The following HAO1 variants were observed in gnomAD, a reference collection of about 807,000 sequenced individuals.
The protein encoded by HAO1 is 2-Hydroxyacid oxidase 1.
A neutral mutation model predicts 39.7 loss-of-function variants in HAO1; 34 were observed. That is an observed-to-expected ratio of 0.86 (90% CI 0.65 to 1.14). The LOEUF (loss-of-function observed/expected upper bound fraction) is 1.14. Ranked by LOEUF, HAO1 falls within the 50% of genes most tolerant of loss-of-function variation. The pLI, the probability that HAO1 is intolerant of heterozygous loss-of-function variation, is 0.00. For synonymous variants in HAO1, 172 were observed against 173.2 expected (o/e 0.99, Z 0.05); for missense variants, 479 against 464.5 (o/e 1.03, Z -0.29).
intron 2 of HAO1, among the ~76,000 whole-genome samples, chr20:7,915,919 TA>T (rs1339946032): frequency 6.6e-6 from 1 of 152,188 alleles, no homozygotes; most frequent in Admixed American, 6.5e-5. Context: ...TTTTTAATTT[TA>T]AAATTTTGTC....
At chr20:7,912,308 C>T (rs1311802981) in intron 3 of HAO1, among the ~76,000 whole-genome samples, 5 of 152,212 alleles carry the variant, frequency 3.3e-5, no homozygotes, top group East Asian at 1.9e-4. Context: ...GAGGTACCTG[C>T]CAGAATTAAC....
Position 7,906,212 on chromosome 20 carries a change from A to C in HAO1, c.663T>G (p.Asp221Glu). The C allele has an allele frequency of 6.2e-7, 1 of 1,613,330 alleles. No individual in the cohort carries two copies. The highest frequency in any genetic ancestry group is 8.5e-7 in the Non-Finnish European group (1 of 1,179,294). Residue 221 changes from aspartate to glutamate, a missense_variant, in exon 4 of 8, where the codon GAT becomes GAG. Physicochemically the swap from Asp to Glu is conservative, Grantham distance 45 (BLOSUM62 2). Coordinates refer to ENST00000378789, the MANE Select transcript of HAO1 (RefSeq NM_017545.3). ...KAIDPSISWE[D>E]IKWLRRLTSL... ...ATGTCAGTCTTCTCAGCCATTTGAT[A>C]TCTTCCCAGCTGATAGATGGGTCTA...
chr20:7,915,628 T>C (rs1364738521), intron 2 of HAO1, among the ~76,000 whole-genome samples: 2 of 152,216 alleles, frequency 1.3e-5, no homozygotes, highest in Non-Finnish European at 2.9e-5. Context: ...TGTATCTATC[T>C]GTATCTATCG....
intron 4 of HAO1, among the ~76,000 whole-genome samples, chr20:7,897,418 T>C (rs573385231): frequency 6.6e-6 from 1 of 152,284 alleles, no homozygotes; most frequent in East Asian, 1.9e-4. Context: ...TTGGACATTT[T>C]AAAGTTGTCT....
chr20:7,921,272 C>A (rs1292431957), intron 2 of HAO1, among the ~76,000 whole-genome samples: 2 of 151,952 alleles, frequency 1.3e-5, no homozygotes, highest in Non-Finnish European at 2.9e-5. Context: ...AAACAGATAA[C>A]CCCATTAAAA....
At position 7,883,159 on chromosome 20, in the gene HAO1, A is replaced by G. The variant is rs2050134892; in HGVS notation, c.*434T>C. On this transcript the variant is annotated 3_prime_UTR_variant, in exon 8 of 8. Transcript: ENST00000378789. ...ACCTTCTCAAAGTTGTGAATCAGGC[A>G]TTACCAACACTTTGAACCTGAGCTT... is the stretch of plus-strand genomic sequence containing the variant. 6.0e-6 allele frequency: 1 copy of G among 167,920 alleles called. No homozygotes were observed. The highest frequency in any genetic ancestry group is 1.5e-4 in the South Asian group (1 of 6,544). The allele number at this position is 167,920 out of a possible 1,614,324, so 10.4% of individuals were successfully genotyped here.
chr20:7,895,274 G>C (rs769663577), intron 4 of HAO1, 50 bp from the exon 5 acceptor site: 5 of 1,264,902 alleles, frequency 4.0e-6, no homozygotes, highest in Admixed American at 3.4e-5. Flanking sequence ...TTAACAGGCA[G>C]CTTGGGTTTA....
chr20:7,889,291 T>G (rs1184514282), intron 5 of HAO1, among the ~76,000 whole-genome samples: 1 of 152,166 alleles, frequency 6.6e-6, no homozygotes, highest in Non-Finnish European at 1.5e-5. Context: ...CATTGATAAT[T>G]TTCACTGTGA....
At position 7,914,233 on chromosome 20, in the gene HAO1, A is replaced by C; in HGVS notation, c.476T>G (p.Val159Gly). 6.2e-7 allele frequency: 1 copy of C among 1,614,018 alleles called. No homozygotes were observed. The highest frequency in any genetic ancestry group is 1.1e-5 in the South Asian group (1 of 91,072). ...ACGGTTGCCCAGGTAAGGTGTGTCCACTGTCACAAATATGGCCTTGTAGCC... is the reference window on the plus strand; with the variant it reads ...ACGGTTGCCCAGGTAAGGTGTGTCCCCTGTCACAAATATGGCCTTGTAGCC... ...KMGYKAIFVT[V>G]DTPYLGNRLD... The change falls in exon 3 of 8, where the codon GTG becomes GGG. Residue 159 changes from valine (V) to glycine (G), a missense_variant. Physicochemically the swap from Val to Gly is moderately radical, Grantham distance 109 (BLOSUM62 -3). Transcript: ENST00000378789.
At chr20:7,916,662 AG>A (rs932165227) in intron 2 of HAO1, among the ~76,000 whole-genome samples, 24 of 152,238 alleles carry the variant, frequency 1.6e-4, no homozygotes, top group African/African-American at 5.8e-4. Context: ...TAGATAGTAA[AG>A]GTCTAAGTTC....
At chr20:7,936,547 TTCGCGCGCGCGC>T (rs2050412088) in intron 1 of HAO1, among the ~76,000 whole-genome samples, 30 of 136,692 alleles carry the variant, frequency 2.2e-4, no homozygotes, top group Non-Finnish European at 2.5e-4. Flanking sequence ...TGTGTGTGTG[TTCGCGCGCGCGC>T]GCGCGCGTGC....
At chr20:7,932,298 T>C (rs1264347344) in intron 2 of HAO1, among the ~76,000 whole-genome samples, 1 of 152,156 alleles carries the variant, frequency 6.6e-6, no homozygotes, top group African/African-American at 2.4e-5. Context: ...TTTAAATCAG[T>C]GTGAGAAGGA....
chr20:7,911,013 G>A (rs943875606), intron 3 of HAO1, among the ~76,000 whole-genome samples: 11 of 152,166 alleles, frequency 7.2e-5, no homozygotes, highest in South Asian at 2.1e-4. Flanking sequence ...TTAGTCATGC[G>A]TTGATTCTGC....
At chr20:7,895,660 CA>C (rs1270017888) in intron 4 of HAO1, among the ~76,000 whole-genome samples, 1 of 150,168 alleles carries the variant, frequency 6.7e-6, no homozygotes, top group East Asian at 1.9e-4. Context: ...AAACCTATTT[CA>C]AAAAACAATC....
At chr20:7,884,769 C>T (rs2050143399) in intron 7 of HAO1, among the ~76,000 whole-genome samples, 1 of 151,848 alleles carries the variant, frequency 6.6e-6, no homozygotes, top group African/African-American at 2.4e-5. Context: ...AAGACTCTGG[C>T]ATTTACTCTG....
chr20:7,926,431 T>C (rs1337083688), intron 2 of HAO1, among the ~76,000 whole-genome samples: 1 of 152,198 alleles, frequency 6.6e-6, no homozygotes, highest in Non-Finnish European at 1.5e-5. Flanking sequence ...TCCTAGTAGG[T>C]ATGCTGAAAC....
chr20:7,919,114 T>C (rs910694750), intron 2 of HAO1, among the ~76,000 whole-genome samples: 11 of 152,186 alleles, frequency 7.2e-5, no homozygotes, highest in Admixed American at 7.2e-4. Context: ...AAAACCTGGC[T>C]CTTGCCTAGA....
intron 5 of HAO1, among the ~76,000 whole-genome samples, chr20:7,891,645 T>C (rs1440822875): frequency 6.6e-6 from 1 of 152,200 alleles, no homozygotes; most frequent in Non-Finnish European, 1.5e-5. Flanking sequence ...GTTTTTTCAA[T>C]GTTATCTTAC....
chr20:7,895,036 A>G, intron 5 of HAO1, 97 bp downstream of exon 5: 1 of 809,470 alleles, frequency 1.2e-6, no homozygotes, highest in Non-Finnish European at 2.1e-6. Context: ...GAGTGATTAC[A>G]CAAAGTACAC....
Sources: allele counts gnomAD v4.1 joint callset (sites outside exome capture counted in the v4.1 genomes callset), GRCh38; gene constraint gnomAD v4.1.1; transcripts MANE v1.5; gene names NCBI Gene and HGNC (gene_info 2026-07-23, HGNC 2026-07-21).